Variants in TAF5L observed in about 807,000 individuals in gnomAD.
TAF5L encodes the protein TAF5-like RNA polymerase II p300/CBP-associated factor-associated factor 65 kDa subunit 5L.
TAF5L carries 7 observed loss-of-function variants against 51.3 expected under a neutral mutation model. The ratio of observed to expected loss-of-function variants is 0.14; its 90% CI spans 0.08 to 0.26. The LOEUF (loss-of-function observed/expected upper bound fraction) is 0.26, where lower values mean the gene tolerates loss of function less well. Among genes scored for constraint, TAF5L ranks in the 10% least tolerant of loss-of-function variants. The probability of loss-of-function intolerance (pLI) is 1.00; values close to 1 mark genes in which losing one functional copy is unlikely to be tolerated. For missense variants in TAF5L, 575 were observed against 758.9 expected (o/e 0.76, Z 2.85); for synonymous variants, 291 against 308.1 (o/e 0.94, Z 0.58).
chr1:229,594,362 C>G lies in TAF5L; in HGVS notation c.1705G>C (p.Val569Leu), dbSNP rs138203586. 1.4e-5 allele frequency: 22 copies of G among 1,613,954 alleles called. No individual in the cohort carries two copies. Among genetic ancestry groups the G allele is most frequent in the Non-Finnish European group, 1.8e-5 (21 of 1,180,020 alleles). Residue 569 changes from valine (V) to leucine (L), a missense_variant, in exon 5 of 5, where the codon GTG becomes CTG. Coordinates refer to ENST00000258281, the Ensembl canonical transcript of TAF5L. The surrounding 1 kb of genome is among the most constrained non-coding windows in gnomAD (Gnocchi z 7.9). Reference sequence around the variant, plus strand: ...AGAAGGTTACAGGCCATGAACTGCACGCTCAGGACGTTGCTCATCTGCCCG... The same window carrying G: ...AGAAGGTTACAGGCCATGAACTGCAGGCTCAGGACGTTGCTCATCTGCCCG...
intron 2 of TAF5L, 94 bp downstream of exon 2, chr1:229,614,247 A>G (rs759131415): frequency 6.2e-7 from 1 of 1,609,000 alleles, no homozygotes; most frequent in Non-Finnish European, 8.5e-7. Context: ...TCTCTCTGGC[A>G]CTGTCTTGAG....
chr1:229,605,108 G>GTACATA (rs751531853), intron 3 of TAF5L, among the ~76,000 whole-genome samples: 37 of 118,670 alleles, frequency 3.1e-4, no homozygotes, highest in Admixed American at 1.8e-3. Context: ...ATTTTTGTAT[G>GTACATA]TATATATATA....
intron 1 of TAF5L, among the ~76,000 whole-genome samples, chr1:229,618,993 T>A (rs920173178): frequency 1.3e-5 from 2 of 152,242 alleles, no homozygotes; most frequent in African/African-American, 4.8e-5. Context: ...AACTGAGACT[T>A]CTGACTGTTG....
At chr1:229,610,955 T>C (rs765762016) in intron 2 of TAF5L, among the ~76,000 whole-genome samples, 1 of 152,240 alleles carries the variant, frequency 6.6e-6, no homozygotes, top group Non-Finnish European at 1.5e-5. Context: ...TTCTTCTGTT[T>C]CTTTCCATCT....
intron 4 of TAF5L, among the ~76,000 whole-genome samples, chr1:229,595,543 T>C (rs963381849): frequency 2.0e-5 from 3 of 152,258 alleles, no homozygotes; most frequent in African/African-American, 4.8e-5. Context: ...TTATAAGCCA[T>C]ACTGCTGTTT....
chr1:229,593,154 C>T (rs923742452), exon 5 of TAF5L: 5 of 152,048 alleles, frequency 3.3e-5, no homozygotes, highest in South Asian at 2.1e-4. Flanking sequence ...AAACAAAATA[C>T]AAAATAACTC....
At chr1:229,598,969 T>C (rs1664258437) in intron 4 of TAF5L, among the ~76,000 whole-genome samples, 1 of 152,184 alleles carries the variant, frequency 6.6e-6, no homozygotes, top group South Asian at 2.1e-4. Context: ...AGTGCTGAGA[T>C]TACAGGCGTG....
At chr1:229,614,885 A>G (rs1664921323) in intron 1 of TAF5L, among the ~76,000 whole-genome samples, 1 of 152,186 alleles carries the variant, frequency 6.6e-6, no homozygotes, top group African/African-American at 2.4e-5. Flanking sequence ...AGAGGCGTTA[A>G]TTAGCAGTGA....
rs749377395 is a variant in TAF5L at position 229,594,774 on chromosome 1, A to G, written c.1293T>C (p.Cys431=). The G allele has an allele frequency of 1.2e-6, 2 of 1,614,182 alleles. No individual in the cohort carries two copies. Among genetic ancestry groups the G allele is most frequent in the Non-Finnish European group, 1.7e-6 (2 of 1,180,032 alleles). Reference sequence around the variant, plus strand: ...AGTTTGAATTAGGGTGGAATTTGACACAGTCCACATCTGCCAGGTGTCCTG... The same window carrying G: ...AGTTTGAATTAGGGTGGAATTTGACGCAGTCCACATCTGCCAGGTGTCCTG... Residue 431 remains cysteine, a synonymous_variant, in exon 5 of 5, where the codon TGT becomes TGC. Coordinates refer to ENST00000258281, the Ensembl canonical transcript of TAF5L. The surrounding 1 kb of genome is among the most constrained non-coding windows in gnomAD (Gnocchi z 7.9).
At chr1:229,596,223 G>C (rs978326212) in intron 4 of TAF5L, among the ~76,000 whole-genome samples, 4 of 152,190 alleles carry the variant, frequency 2.6e-5, no homozygotes, top group Non-Finnish European at 1.5e-5. Context: ...GCAGTGAACT[G>C]TGATGGCACC....
intron 1 of TAF5L, among the ~76,000 whole-genome samples, chr1:229,616,375 T>TTATTA (rs1553271736): frequency 1.3e-5 from 2 of 148,206 alleles, no homozygotes; most frequent in Non-Finnish European, 3.0e-5. Flanking sequence ...TTTATTTATA[T>TTATTA]TTTTTTTTTT....
intron 4 of TAF5L, among the ~76,000 whole-genome samples, chr1:229,597,659 C>T (rs1217628422): frequency 6.6e-6 from 1 of 152,156 alleles, no homozygotes; most frequent in Admixed American, 6.5e-5. Flanking sequence ...CTGAATACTC[C>T]ACAGTAATTG....
chr1:229,617,918 G>A (rs1322440412), intron 1 of TAF5L, among the ~76,000 whole-genome samples: 2 of 152,124 alleles, frequency 1.3e-5, no homozygotes, highest in Non-Finnish European at 2.9e-5. Flanking sequence ...CAACTGTATG[G>A]CCATGGATCT....
At chr1:229,603,001 A>T in intron 3 of TAF5L, 82 bp from the exon 4 acceptor site, 1 of 1,477,608 alleles carries the variant, frequency 6.8e-7, no homozygotes. Context: ...CACCACCATC[A>T]TATAATGCTT....
In TAF5L at chr1:229,602,230, G is replaced by C; in HGVS notation, c.937C>G (p.Arg313Gly). ...AGAATATCACAAGCCAAATGGATGC[G>C]GGACACGTCTACTTGGTGGGGCTCT... Residue 313 changes from arginine to glycine, a missense_variant, in exon 4 of 5, where the codon CGC becomes GGC. Arg to Gly is a moderately radical substitution (Grantham distance 125). This residue lies in a region of TAF5L where 380 missense variants were observed against 443.7 expected (regional missense o/e 0.86). Transcript: ENST00000258281. The surrounding 1 kb of genome is among the most constrained non-coding windows in gnomAD (Gnocchi z 4.6). 6.2e-7 allele frequency: 1 copy of C among 1,614,010 alleles called. No homozygotes were observed. Among genetic ancestry groups the C allele is most frequent in the South Asian group, 1.1e-5 (1 of 91,064 alleles).
At chr1:229,599,898 G>A (rs550055511) in intron 4 of TAF5L, 13 of 985,466 alleles carry the variant, frequency 1.3e-5, no homozygotes, top group Admixed American at 1.2e-4. Flanking sequence ...TGAAAGCAGA[G>A]AGTGCAAGCT....
At chr1:229,607,223 T>C in intron 3 of TAF5L, 2 of 985,422 alleles carry the variant, frequency 2.0e-6, no homozygotes, top group Non-Finnish European at 2.4e-6. Context: ...AGATTCCACC[T>C]TGGTAATTTA....
chr1:229,611,930 C>A (rs12070224), intron 2 of TAF5L, among the ~76,000 whole-genome samples: 1,948 of 152,300 alleles, frequency 0.013, 43 homozygotes, highest in African/African-American at 0.045. Flanking sequence ...TTTTGGGGAT[C>A]CTTCCTTGGC....
At chr1:229,610,122 C>T in exon 3 of TAF5L, 3 of 1,614,146 alleles carry the variant, frequency 1.9e-6, no homozygotes, top group Non-Finnish European at 2.5e-6. Context: ...GAAAATTCCG[C>T]AGTCGTCCAA....
Sources: gnomAD v4.1 joint callset for allele counts (sites outside exome capture counted in the v4.1 genomes callset) on GRCh38, gnomAD v4.1.1 for gene constraint, gnomAD v4.1.1 regional missense constraint, Gnocchi (gnomAD v3.1) non-coding constraint, MANE v1.5 for transcripts, NCBI Gene and HGNC (gene_info 2026-07-23, HGNC 2026-07-21) for gene names.